KCNIP1: variants seen among roughly 807,000 people sequenced by gnomAD.
KCNIP1 encodes the protein A-type potassium channel modulatory protein KCNIP1.
KCNIP1 carries 18 observed loss-of-function variants against 33.0 expected under a neutral mutation model. The observed-to-expected ratio is 0.55, with a 90% CI of 0.38 to 0.81. KCNIP1 has a LOEUF of 0.81. Ranked by LOEUF, KCNIP1 falls within the 30% of genes least tolerant of loss-of-function variation. The pLI, the probability that KCNIP1 is intolerant of heterozygous loss-of-function variation, is 0.00. For synonymous variants in KCNIP1, 93 were observed against 98.3 expected, an observed-to-expected ratio of 0.95 and a Z score of 0.32; for missense variants, 238 against 271.6, an observed-to-expected ratio of 0.88 and a Z score of 0.87.
At chr5:170,723,987 G>A (rs1233328859) in intron 5 of KCNIP1, among the ~76,000 whole-genome samples, 3 of 152,224 alleles carry the variant, frequency 2.0e-5, no homozygotes, top group Admixed American at 6.5e-5. Flanking sequence ...AGCCTGACAG[G>A]TCAGCAGAGT....
At chr5:170,480,951 C>T (rs1235963333) in intron 1 of KCNIP1, among the ~76,000 whole-genome samples, 2 of 152,264 alleles carry the variant, frequency 1.3e-5, no homozygotes, top group Admixed American at 1.3e-4. Context: ...AATAACCCAA[C>T]ATATATTTAA....
intron 1 of KCNIP1, among the ~76,000 whole-genome samples, chr5:170,492,014 G>A (rs995878761): frequency 2.0e-5 from 3 of 152,102 alleles, no homozygotes; most frequent in Admixed American, 6.5e-5. Context: ...TGCTCACGCC[G>A]ACTTTTCTCC....
chr5:170,568,163 G>C (rs1757265198), intron 1 of KCNIP1, among the ~76,000 whole-genome samples: 1 of 152,158 alleles, frequency 6.6e-6, no homozygotes, highest in Non-Finnish European at 1.5e-5. Context: ...GTGTTGTTGT[G>C]GTTGCCATTC....
rs1049440008 is a variant in KCNIP1 at position 170,573,642 on chromosome 5, GA to G, written c.61+69019del. On this transcript the variant is annotated intron_variant, in intron 1 of 7. Transcript: ENST00000328939. ...TGGCTTCATGGTCTTAACCCATTGA[GA>G]AAAAAAAAATCAAAAGAAAAATAAT... 4.6e-3 allele frequency among the ~76,000 whole-genome samples: 693 copies of G among 149,044 alleles called. 9 individuals carry two copies. Among genetic ancestry groups the G allele is most frequent in the African/African-American group, 0.016 (632 of 40,700 alleles).
chr5:170,500,226 C>T (rs957022926), upstream of KCNIP1, among the ~76,000 whole-genome samples: 38 of 152,110 alleles, frequency 2.5e-4, no homozygotes, highest in Non-Finnish European at 1.2e-4. Flanking sequence ...CCCTTATGAC[C>T]TCTTTTAACC....
rs548227433 is a variant in KCNIP1 at position 170,710,011 on chromosome 5, G to A, written c.62-8747G>A. Among the ~76,000 whole-genome samples, 34 of 152,272 alleles carry A rather than the reference G, an allele frequency of 2.2e-4. No individual in the cohort carries two copies. The South Asian group carries it at 7.0e-3, about 32-fold the overall frequency. Reference sequence around the variant, plus strand: ...GCCTCCCAAGCAGCTGGGACTACAGGCGCGCACCACCATGCCCAGCTAATT... The same window carrying A: ...GCCTCCCAAGCAGCTGGGACTACAGACGCGCACCACCATGCCCAGCTAATT... On this transcript the variant is annotated intron_variant, in intron 1 of 7. Transcript: ENST00000328939.
chr5:170,524,528 C>G (rs1297866119), intron 1 of KCNIP1, among the ~76,000 whole-genome samples: 1 of 152,128 alleles, frequency 6.6e-6, no homozygotes. Context: ...AATAACAGAA[C>G]CCATCCATGG....
chr5:170,424,567 G>T (rs538309440), intron 1 of KCNIP1, among the ~76,000 whole-genome samples: 1 of 152,070 alleles, frequency 6.6e-6, no homozygotes, highest in South Asian at 2.1e-4. Context: ...CTTTCGGCTG[G>T]GGCTAGGGGT....
intron 1 of KCNIP1, among the ~76,000 whole-genome samples, chr5:170,564,310 C>G (rs1757133702): frequency 6.6e-6 from 1 of 152,176 alleles, no homozygotes; most frequent in Admixed American, 6.5e-5. Flanking sequence ...CTCATCTTCT[C>G]CCGCCTCTGC....
intron 1 of KCNIP1, among the ~76,000 whole-genome samples, chr5:170,464,868 A>G (rs1023467400): frequency 1.3e-5 from 2 of 152,072 alleles, no homozygotes; most frequent in African/African-American, 2.4e-5. Context: ...CCTCATCCAC[A>G]TTTCTGAAAG....
chr5:170,582,813 G>T (rs971286483), intron 1 of KCNIP1, among the ~76,000 whole-genome samples: 2 of 152,198 alleles, frequency 1.3e-5, no homozygotes, highest in African/African-American at 4.8e-5. Flanking sequence ...GGCAATAAAT[G>T]TGTGGGAGCA....
chr5:170,479,604 A>C (rs765216737), intron 1 of KCNIP1, among the ~76,000 whole-genome samples: 5 of 152,100 alleles, frequency 3.3e-5, no homozygotes, highest in Non-Finnish European at 5.9e-5. Context: ...CAAGCTCAGC[A>C]TGACATACCC....
At position 170,669,647 on chromosome 5, in the gene KCNIP1, C is replaced by G. The variant is rs1157916836; in HGVS notation, c.62-49111C>G. The G allele has an allele frequency of 4.1e-6, 4 of 985,296 alleles. No homozygotes were observed. The East Asian group carries it at 4.5e-4, about 112-fold the overall frequency. The allele number at this position is 985,296 out of a possible 1,614,324, so 61.0% of individuals were successfully genotyped here. On this transcript the variant is annotated intron_variant, in intron 1 of 7. Transcript: ENST00000328939. ...ATTTTAGAGTAACTATCTCGGACTT[C>G]GGAGAGTTCCTGGGTATGAAGGTTT...
intron 1 of KCNIP1, among the ~76,000 whole-genome samples, chr5:170,495,269 AC>A (rs1331942754): frequency 6.6e-6 from 1 of 152,320 alleles, no homozygotes; most frequent in East Asian, 1.9e-4. Flanking sequence ...TTCTGTGGTC[AC>A]TGTGCCATTC....
At chr5:170,475,073 T>C (rs771720492) in intron 1 of KCNIP1, among the ~76,000 whole-genome samples, 26 of 152,154 alleles carry the variant, frequency 1.7e-4, no homozygotes, top group Non-Finnish European at 3.2e-4. Context: ...TACAAACCTC[T>C]AGCTAGCTAC....
intron 1 of KCNIP1, among the ~76,000 whole-genome samples, chr5:170,497,658 A>G (rs1015421446): frequency 6.6e-6 from 1 of 152,192 alleles, no homozygotes; most frequent in African/African-American, 2.4e-5. Flanking sequence ...CCAGACAGCC[A>G]TTTGATCAAT....
At chr5:170,630,049 C>T (rs548218265) in intron 1 of KCNIP1, among the ~76,000 whole-genome samples, 4 of 152,276 alleles carry the variant, frequency 2.6e-5, no homozygotes, top group South Asian at 2.1e-4. Flanking sequence ...GGGTGGGGGC[C>T]GGGGTAGCTG....
At chr5:170,392,633 G>T (rs1177573725) in intron 1 of KCNIP1, among the ~76,000 whole-genome samples, 1 of 152,198 alleles carries the variant, frequency 6.6e-6, no homozygotes, top group Non-Finnish European at 1.5e-5. Flanking sequence ...GACCAGCCTG[G>T]CCAACATGGC....
At chr5:170,487,154 A>G (rs1757115520) in intron 1 of KCNIP1, among the ~76,000 whole-genome samples, 1 of 152,142 alleles carries the variant, frequency 6.6e-6, no homozygotes, top group African/African-American at 2.4e-5. Flanking sequence ...GGAAATTCAA[A>G]ATTGGCAGGG....
Sources: gnomAD v4.1 joint callset for allele counts (sites outside exome capture counted in the v4.1 genomes callset) on GRCh38, gnomAD v4.1.1 for gene constraint, MANE v1.5 for transcripts, NCBI Gene and HGNC (gene_info 2026-07-23, HGNC 2026-07-21) for gene names.